Variants in RNGTT observed in about 807,000 individuals in gnomAD.
RNGTT encodes RNA guanylyltransferase and 5'-phosphatase.
RNGTT carries 33 observed loss-of-function variants against 79.3 expected under a neutral mutation model. The observed-to-expected ratio is 0.42, with a 90% CI of 0.32 to 0.56. RNGTT has a LOEUF of 0.56. RNGTT is among the 20% of genes least tolerant of loss of function. RNGTT has a pLI of 0.17. For synonymous variants in RNGTT, 222 were observed against 235.9 expected, an observed-to-expected ratio of 0.94 and a Z score of 0.54; for missense variants, 497 against 739.1, an observed-to-expected ratio of 0.67 and a Z score of 3.80.
chr6:88,927,899 C>G (rs1034756434), intron 4 of RNGTT, among the ~76,000 whole-genome samples: 1 of 150,676 alleles, frequency 6.6e-6, no homozygotes, highest in Non-Finnish European at 1.5e-5. Flanking sequence ...CATATACCAA[C>G]AGAAATAACA....
chr6:88,929,544 T>C (rs556749539), intron 2 of RNGTT, among the ~76,000 whole-genome samples: 1 of 152,224 alleles, frequency 6.6e-6, no homozygotes, highest in Admixed American at 6.5e-5. Context: ...ATCACAAAAG[T>C]CTATGCAAAA....
intron 13 of RNGTT, among the ~76,000 whole-genome samples, chr6:88,738,948 T>G (rs934779957): frequency 6.6e-6 from 1 of 151,880 alleles, no homozygotes; most frequent in African/African-American, 2.4e-5. Context: ...ATTACTAAAT[T>G]AAAATTCTTA....
chr6:88,778,468 C>A (rs1778961402), intron 12 of RNGTT, among the ~76,000 whole-genome samples: 1 of 152,118 alleles, frequency 6.6e-6, no homozygotes. Flanking sequence ...AAATTGCATT[C>A]TAACAAATTT....
chr6:88,904,148 G>A (rs1211756819), intron 6 of RNGTT, among the ~76,000 whole-genome samples: 2 of 152,022 alleles, frequency 1.3e-5, no homozygotes, highest in Admixed American at 6.6e-5. Flanking sequence ...TAAAGAAATA[G>A]TAAGTTCTCA....
chr6:88,736,129 A>G (rs1401057944), intron 13 of RNGTT, among the ~76,000 whole-genome samples: 2 of 152,186 alleles, frequency 1.3e-5, no homozygotes, highest in Non-Finnish European at 2.9e-5. Flanking sequence ...AAGTCATAGA[A>G]GGAGAAACAG....
intron 13 of RNGTT, among the ~76,000 whole-genome samples, chr6:88,760,902 T>C (rs1778195046): frequency 6.7e-6 from 1 of 149,842 alleles, no homozygotes; most frequent in South Asian, 2.1e-4. Context: ...AGAGATGAGA[T>C]CTTGCTGTAT....
chr6:88,803,760 T>TTTCCATTCCAAGTTAACA (rs1779869886), intron 11 of RNGTT, among the ~76,000 whole-genome samples: 1 of 151,988 alleles, frequency 6.6e-6, no homozygotes, highest in Admixed American at 6.6e-5. Context: ...GTTAACATGG[T>TTTCCATTCCAAGTTAACA]AGTTTCCATT....
At chr6:88,854,665 A>G (rs897806033) in intron 8 of RNGTT, among the ~76,000 whole-genome samples, 1 of 152,200 alleles carries the variant, frequency 6.6e-6, no homozygotes, top group Non-Finnish European at 1.5e-5. Flanking sequence ...TTATGACTAT[A>G]AAATTAAAAT....
chr6:88,917,681 G>A (rs1784041252), intron 4 of RNGTT, among the ~76,000 whole-genome samples: 1 of 152,222 alleles, frequency 6.6e-6, no homozygotes, highest in African/African-American at 2.4e-5. Context: ...GAGGCCAGGA[G>A]TTCAAAATCA....
chr6:88,822,213 G>A (rs1198025263), intron 11 of RNGTT, among the ~76,000 whole-genome samples: 3 of 152,114 alleles, frequency 2.0e-5, no homozygotes, highest in Non-Finnish European at 4.4e-5. Context: ...TGGGCTCAGG[G>A]AATTAGAGAG....
intron 13 of RNGTT, among the ~76,000 whole-genome samples, chr6:88,746,366 C>T (rs971546090): frequency 6.6e-6 from 1 of 152,160 alleles, no homozygotes; most frequent in Admixed American, 6.5e-5. Context: ...TGCAGAAAGA[C>T]CCTGTAGTTT....
intron 12 of RNGTT, among the ~76,000 whole-genome samples, chr6:88,771,315 G>GTGTGTGTGTA (rs1303688973): frequency 5.8e-4 from 36 of 62,072 alleles, no homozygotes; most frequent in East Asian, 4.0e-3. Flanking sequence ...GTGTGTGTGT[G>GTGTGTGTGTA]TATATATATA....
intron 9 of RNGTT, 125 bp downstream of exon 9, chr6:88,853,504 C>CAA (rs878907929): frequency 0.014 from 5,932 of 436,616 alleles, 2 homozygotes; most frequent in African/African-American, 0.024. Flanking sequence ...GACTCCGTCT[C>CAA]AAAAAAAAAA....
chr6:88,727,005 G>A (rs1020683001), intron 13 of RNGTT, among the ~76,000 whole-genome samples: 2 of 151,686 alleles, frequency 1.3e-5, no homozygotes, highest in African/African-American at 4.8e-5. Flanking sequence ...AAAGGGGTGG[G>A]GGGGGAGAAT....
At chr6:88,620,444 T>C (rs940098330) in intron 14 of RNGTT, among the ~76,000 whole-genome samples, 6 of 152,186 alleles carry the variant, frequency 3.9e-5, no homozygotes, top group South Asian at 2.1e-4. Flanking sequence ...GTAGTGGTTA[T>C]TGGTGGATGG....
chr6:88,933,469 A>C lies in RNGTT; in HGVS notation c.175-4202T>G, dbSNP rs1562051672. 2.0e-5 allele frequency among the ~76,000 whole-genome samples: 3 copies of C among 150,416 alleles called. No homozygotes were observed. In the East Asian group the frequency reaches 5.8e-4, roughly 29 times the overall value. ...TCTATCGTCTATCATTCTACTCTCTATGTCCATGAGATCAGTTTTTTTTTT... is the reference window on the plus strand; with the variant it reads ...TCTATCGTCTATCATTCTACTCTCTCTGTCCATGAGATCAGTTTTTTTTTT... On this transcript the variant is annotated intron_variant, in intron 2 of 15. Coordinates refer to ENST00000369485, the MANE Select transcript of RNGTT (RefSeq NM_003800.5).
intron 6 of RNGTT, among the ~76,000 whole-genome samples, chr6:88,897,924 C>T (rs192691707): frequency 2.0e-5 from 3 of 152,206 alleles, no homozygotes; most frequent in African/African-American, 7.2e-5. Context: ...ATCACAAATA[C>T]ATTGCTGCAG....
chr6:88,845,749 A>T (rs1309829066), intron 10 of RNGTT, among the ~76,000 whole-genome samples: 2 of 152,194 alleles, frequency 1.3e-5, no homozygotes, highest in African/African-American at 4.8e-5. Context: ...ATAAGGAGAG[A>T]GACAAAGTGA....
intron 14 of RNGTT, among the ~76,000 whole-genome samples, chr6:88,654,507 C>A (rs543606075): frequency 1.3e-5 from 2 of 152,176 alleles, no homozygotes; most frequent in Non-Finnish European, 2.9e-5. Flanking sequence ...CCCCTCTGTT[C>A]TTGAGAATTC....
Sources: allele counts gnomAD v4.1 joint callset (sites outside exome capture counted in the v4.1 genomes callset), GRCh38; gene constraint gnomAD v4.1.1; transcripts MANE v1.5; gene names NCBI Gene and HGNC (gene_info 2026-07-23, HGNC 2026-07-21).